The following PAPPA2 variants were observed in gnomAD, a reference collection of about 807,000 sequenced individuals.
The protein encoded by PAPPA2 is pappalysin 2.
Under a neutral mutation model 176.4 loss-of-function variants are expected in PAPPA2, and 86 were observed. The ratio of observed to expected loss-of-function variants is 0.49; its 90% CI spans 0.41 to 0.58. The LOEUF is 0.58. Among genes scored for constraint, PAPPA2 ranks in the 20% least tolerant of loss-of-function variants. The pLI, the probability that PAPPA2 is intolerant of heterozygous loss-of-function variation, is 0.00. For synonymous variants in PAPPA2, 809 were observed against 852.2 expected, an observed-to-expected ratio of 0.95 and a Z score of 0.88; for missense variants, 2,073 against 2,256.9, an observed-to-expected ratio of 0.92 and a Z score of 1.65.
chr1:176,740,222 G>A (rs1430551755), intron 14 of PAPPA2, 26 bp downstream of exon 14: 1 of 1,597,198 alleles, frequency 6.3e-7, no homozygotes, highest in Non-Finnish European at 8.6e-7. Flanking sequence ...TCTTTCTTTT[G>A]TTTCCTTTTC....
chr1:176,688,165 G>A (rs1659937215), intron 4 of PAPPA2, among the ~76,000 whole-genome samples: 1 of 152,138 alleles, frequency 6.6e-6, no homozygotes, highest in Non-Finnish European at 1.5e-5. Flanking sequence ...TAGAAGTGGT[G>A]GGAAAGAAAG....
chr1:176,556,635 A>C lies in PAPPA2; in HGVS notation c.313A>C (p.Ser105Arg), dbSNP rs1444733328. 13 of 1,614,080 alleles carry C rather than the reference A, an allele frequency of 8.1e-6. No individual in the cohort carries two copies. The highest frequency in any genetic ancestry group is 1.3e-5 in the African/African-American group (1 of 74,916). ...ACCAGACACTGAAGGAAATGCTGTG[A>C]GCCTTGTTCCCCCAGACCTGACTGA... ...SKPDTEGNAV[S>R]LVPPDLTENP... Residue 105 changes from serine to arginine, a missense_variant, in exon 2 of 23, where the codon AGC becomes CGC. Transcript: ENST00000367662.
chr1:176,769,483 G>T (rs1012205253), intron 15 of PAPPA2, 124 bp from the exon 16 acceptor site: 1 of 1,035,122 alleles, frequency 9.7e-7, no homozygotes, highest in Non-Finnish European at 1.4e-6. Flanking sequence ...AGGGAGAAAG[G>T]CAAAATAATT....
intron 1 of PAPPA2, among the ~76,000 whole-genome samples, chr1:176,503,181 T>G (rs1226946603): frequency 6.6e-6 from 1 of 152,152 alleles, no homozygotes; most frequent in East Asian, 1.9e-4. Flanking sequence ...TTGACATCCC[T>G]TGGCTTGTGA....
chr1:176,689,370 T>C (rs1283066849), intron 4 of PAPPA2, among the ~76,000 whole-genome samples: 2 of 152,114 alleles, frequency 1.3e-5, no homozygotes, highest in African/African-American at 4.8e-5. Context: ...ACACCTCCCT[T>C]TGTGTTCTCA....
At chr1:176,740,769 G>A (rs1662643049) in intron 14 of PAPPA2, among the ~76,000 whole-genome samples, 1 of 152,182 alleles carries the variant, frequency 6.6e-6, no homozygotes, top group African/African-American at 2.4e-5. Context: ...TGTACTCACA[G>A]TGTTGGTGTG....
At position 176,595,548 on chromosome 1, in the gene PAPPA2, G is replaced by A. The variant is rs777115329; in HGVS notation, c.1944G>A (p.Gln648=). Residue 648 remains glutamine (Q), a synonymous_variant, in exon 3 of 23, where the codon CAG becomes CAA. Coordinates refer to ENST00000367662, the MANE Select transcript of PAPPA2 (RefSeq NM_020318.3). The stretch of plus-strand genomic sequence containing the variant: ...ACGACGGAGACTGCTGCGACCCCCA[G>A]GTGGCTGATGTGCGCAAGACCTGCT... ...DFDDGDCCDP[Q]VADVRKTCFD... The A allele has an allele frequency of 3.8e-5, 61 of 1,613,960 alleles. No homozygotes were observed. The highest frequency in any genetic ancestry group is 2.1e-4 in the African/African-American group (16 of 74,934).
At chr1:176,546,611 CAG>C (rs1650650202) in intron 1 of PAPPA2, among the ~76,000 whole-genome samples, 1 of 152,138 alleles carries the variant, frequency 6.6e-6, no homozygotes, top group East Asian at 1.9e-4. Flanking sequence ...AAATTGGACT[CAG>C]TAGCAATAAT....
chr1:176,502,070 T>A (rs373877368), intron 1 of PAPPA2, among the ~76,000 whole-genome samples: 4 of 152,304 alleles, frequency 2.6e-5, no homozygotes, highest in African/African-American at 7.2e-5. Flanking sequence ...TAAGCAGGAT[T>A]GACACTTCTC....
intron 1 of PAPPA2, among the ~76,000 whole-genome samples, chr1:176,550,589 G>A (rs1353423754): frequency 6.6e-6 from 1 of 151,090 alleles, no homozygotes; most frequent in Non-Finnish European, 1.5e-5. Context: ...TCACCATACT[G>A]CTCCCCCGAG....
At chr1:176,498,274 A>G (rs1399906275) in intron 1 of PAPPA2, among the ~76,000 whole-genome samples, 6 of 151,916 alleles carry the variant, frequency 3.9e-5, no homozygotes. Context: ...CTTCTCTGGG[A>G]CCTGCTCCTC....
chr1:176,785,225 C>T (rs1468657028), intron 17 of PAPPA2, among the ~76,000 whole-genome samples: 2 of 152,192 alleles, frequency 1.3e-5, no homozygotes, highest in East Asian at 3.9e-4. Flanking sequence ...CAGCTCATAG[C>T]ACTGAAGTGC....
intron 5 of PAPPA2, among the ~76,000 whole-genome samples, chr1:176,691,743 G>GCCAA (rs1412182082): frequency 3.3e-5 from 5 of 152,164 alleles, no homozygotes; most frequent in Non-Finnish European, 7.3e-5. Flanking sequence ...ACTAACCTCT[G>GCCAA]CCAACGTCAC....
chr1:176,757,334 G>A (rs1461438963), intron 14 of PAPPA2, among the ~76,000 whole-genome samples: 1 of 152,180 alleles, frequency 6.6e-6, no homozygotes. Context: ...CAGTGTAAAA[G>A]CGTTCTTATT....
chr1:176,659,911 G>T (rs201600583), intron 3 of PAPPA2, among the ~76,000 whole-genome samples: 1 of 152,000 alleles, frequency 6.6e-6, no homozygotes, highest in Non-Finnish European at 1.5e-5. Flanking sequence ...GTATAATTTT[G>T]CTCATTGGCC....
At chr1:176,541,254 G>T (rs1201107455) in intron 1 of PAPPA2, among the ~76,000 whole-genome samples, 1 of 152,194 alleles carries the variant, frequency 6.6e-6, no homozygotes, top group East Asian at 1.9e-4. Flanking sequence ...GCAGTTAGAG[G>T]CTTCCACATG....
chr1:176,577,277 A>G (rs541042469), intron 2 of PAPPA2, among the ~76,000 whole-genome samples: 5 of 152,090 alleles, frequency 3.3e-5, no homozygotes, highest in African/African-American at 9.7e-5. Flanking sequence ...AGCAAGCCCC[A>G]TGCTCTCCCT....
chr1:176,486,241 A>G (rs1055535815), intron 1 of PAPPA2, among the ~76,000 whole-genome samples: 11 of 152,236 alleles, frequency 7.2e-5, no homozygotes, highest in African/African-American at 2.7e-4. Flanking sequence ...TCCTTATGCC[A>G]AAGTAGCATG....
chr1:176,551,467 A>G (rs1376221209), intron 1 of PAPPA2, among the ~76,000 whole-genome samples: 1 of 152,214 alleles, frequency 6.6e-6, no homozygotes, highest in African/African-American at 2.4e-5. Flanking sequence ...AAAGAGGATC[A>G]GTGACCACAT....
Sources: gnomAD v4.1 joint callset for allele counts (sites outside exome capture counted in the v4.1 genomes callset) on GRCh38, gnomAD v4.1.1 for gene constraint, MANE v1.5 for transcripts, NCBI Gene and HGNC (gene_info 2026-07-23, HGNC 2026-07-21) for gene names.